COL9A3: variants seen among roughly 807,000 people sequenced by gnomAD.
COL9A3 encodes collagen type IX alpha 3 chain.
COL9A3 carries 82 observed loss-of-function variants against 110.2 expected under a neutral mutation model. The observed-to-expected ratio is 0.74, with a 90% CI of 0.62 to 0.89. The LOEUF is 0.89. Among genes scored for constraint, COL9A3 ranks in the 40% least tolerant of loss-of-function variants. The pLI, the probability that COL9A3 is intolerant of heterozygous loss-of-function variation, is 0.00. For synonymous variants in COL9A3, 494 were observed against 403.8 expected, an observed-to-expected ratio of 1.22 and a Z score of -2.68; for missense variants, 1,066 against 981.3, an observed-to-expected ratio of 1.09 and a Z score of -1.15.
intron 20 of COL9A3, 32 bp downstream of exon 20, chr20:62,829,531 G>C (rs2063579162): frequency 2.5e-6 from 4 of 1,611,938 alleles, no homozygotes; most frequent in African/African-American, 1.3e-5. Context: ...CTCTCTGGGA[G>C]GGGAGGCGAG....
rs567927530 is a variant in COL9A3, at chr20:62,837,126, A to C, written c.1647A>C (p.Ala549=). 6.2e-7 allele frequency: 1 copy of C among 1,613,488 alleles called. No homozygotes were observed. Among genetic ancestry groups the C allele is most frequent in the East Asian group, 2.2e-5 (1 of 44,870 alleles). The change falls in exon 30 of 32, where the codon GCA becomes GCC. Residue 549 remains alanine, a synonymous_variant. Coordinates refer to ENST00000649368, the MANE Select transcript of COL9A3 (RefSeq NM_001853.4). ...QLAAHLRKPL[A]PGSIGRPGPA... ...CCGCGCACCTAAGGAAGCCTTTGGC[A>C]CCCGGGTCCATTGGTCGGCCCGGTC... is the stretch of plus-strand genomic sequence containing the variant.
Position 62,817,090 on chromosome 20 carries a change from C to G in COL9A3, c.26C>G (p.Pro9Arg), listed in dbSNP as rs779116701. 5.0e-6 allele frequency: 7 copies of G among 1,394,778 alleles called. No homozygotes were observed. Among genetic ancestry groups the G allele is most frequent in the African/African-American group, 1.5e-5 (1 of 66,504 alleles). The allele number at this position is 1,394,778 out of a possible 1,614,324, so 86.4% of individuals were successfully genotyped here. A position where few individuals can be genotyped will look rare whatever the true frequency, so the allele number is the denominator to read the frequency against. Residue 9 changes from proline to arginine, a missense_variant, in exon 1 of 32, where the codon CCG (proline) becomes CGG (arginine). By Grantham distance (103) the Pro-to-Arg change is moderately radical. Coordinates refer to ENST00000649368, the MANE Select transcript of COL9A3 (RefSeq NM_001853.4). ...ATGGCCGGGCCGCGCGCGTGCGCCCCGCTCCTGCTCCTGCTCCTGCTCGGG... is the reference window on the plus strand; with the variant it reads ...ATGGCCGGGCCGCGCGCGTGCGCCCGGCTCCTGCTCCTGCTCCTGCTCGGG... MAGPRACAPLLLLLLLGEL... is the reference protein window; with the variant it reads MAGPRACARLLLLLLLGEL...
At chr20:62,819,127 C>A in intron 3 of COL9A3, 95 bp from the exon 4 acceptor site, 3 of 1,250,042 alleles carry the variant, frequency 2.4e-6, no homozygotes, top group Non-Finnish European at 3.5e-6. Context: ...TATGGTTGGG[C>A]TGGGGGGAAG....
intron 15 of COL9A3, 69 bp from the exon 16 acceptor site, chr20:62,827,172 G>T (rs1600798968): frequency 4.5e-6 from 7 of 1,555,604 alleles, no homozygotes; most frequent in Non-Finnish European, 6.2e-6. Context: ...GCCTGGAGGG[G>T]CCCCCGTCCT....
Position 62,841,022 on chromosome 20 carries a change from A to G in COL9A3, c.*290A>G. The G allele has an allele frequency of 4.8e-6, 2 of 418,014 alleles. No individual in the cohort carries two copies. The highest frequency in any genetic ancestry group is 8.8e-6 in the Non-Finnish European group (2 of 227,206). 25.9% of individuals were successfully genotyped at this position (418,014 alleles called of 1,614,324 possible). A position where few individuals can be genotyped will look rare whatever the true frequency, so the allele number is the denominator to read the frequency against. ...CAACTCCACGAGGTGAAAAATATTC[A>G]GTAACTTGTTTACATAGCATTTGTG... is the stretch of plus-strand genomic sequence containing the variant. On this transcript the variant is annotated 3_prime_UTR_variant, in exon 32 of 32. Transcript: ENST00000649368.
At chr20:62,836,624 C>A in intron 29 of COL9A3, 92 bp downstream of exon 29, 1 of 1,356,894 alleles carries the variant, frequency 7.4e-7, no homozygotes, top group Non-Finnish European at 1.0e-6. Flanking sequence ...CGTGCCACTG[C>A]TTTCCAGCCA....
At chr20:62,836,851 C>T in intron 29 of COL9A3, 1 of 668,916 alleles carries the variant, frequency 1.5e-6, no homozygotes, top group African/African-American at 1.8e-5. Context: ...TCCCTAAACA[C>T]CCCCAAGGGC....
chr20:62,831,717 G>A (rs2063598897), intron 24 of COL9A3: 1 of 219,178 alleles, frequency 4.6e-6, no homozygotes, highest in Admixed American at 5.2e-5. Flanking sequence ...CTGCCCTTTG[G>A]GCCAGTTCTC....
At position 62,819,250 on chromosome 20, in the gene COL9A3, G is replaced by T; in HGVS notation, c.212G>T (p.Gly71Val). 1 of 1,612,774 alleles carries T rather than the reference G, an allele frequency of 6.2e-7. No homozygotes were observed. The highest frequency in any genetic ancestry group is 8.5e-7 in the Non-Finnish European group (1 of 1,179,980). ...PGPKGAPGKP[G>V]KPGEAGLPGL... ...CCAAAGGGGGCCCCAGGAAAGCCGG[G>T]GAAACCAGGAGAGGCTGGGCTGCCG... Residue 71 changes from glycine (G) to valine (V), a missense_variant, in exon 4 of 32, where the codon GGG becomes GTG. Coordinates refer to ENST00000649368, the MANE Select transcript of COL9A3 (RefSeq NM_001853.4).
rs373382239 is a variant in COL9A3 at position 62,836,500 on chromosome 20, G to A, written c.1571G>A (p.Arg524His). 1.6e-5 allele frequency: 26 copies of A among 1,613,036 alleles called. 1 individual carries two copies. The highest frequency in any genetic ancestry group is 6.6e-5 in the South Asian group (6 of 90,920). The change falls in exon 29 of 32, where the codon CGC becomes CAC. Residue 524 changes from arginine (R) to histidine (H), a missense_variant. Coordinates refer to ENST00000649368, the MANE Select transcript of COL9A3 (RefSeq NM_001853.4). ...CAGGGGAAGGAGGCCAGCGAGCAGCGCATCAGGGAGCTGTGTGGGGGGATG... is the reference window on the plus strand; with the variant it reads ...CAGGGGAAGGAGGCCAGCGAGCAGCACATCAGGGAGCTGTGTGGGGGGATG... The part of the protein sequence containing the change: ...GVPGKEASEQ[R>H]IRELCGGMIS...
chr20:62,831,688 G>A (rs947701275), intron 24 of COL9A3: 2 of 192,112 alleles, frequency 1.0e-5, no homozygotes, highest in African/African-American at 2.4e-5. Context: ...TTAAACTCAC[G>A]GGAAAGTCTC....
chr20:62,829,416 T>C (rs1413082247), intron 19 of COL9A3, 39 bp from the exon 20 acceptor site: 7 of 1,612,076 alleles, frequency 4.3e-6, no homozygotes, highest in Non-Finnish European at 2.5e-6. Flanking sequence ...CGGCGTGCAA[T>C]GTAACTGGCA....
At chr20:62,832,104 T>G (rs1568760328) in intron 24 of COL9A3, 50 bp from the exon 25 acceptor site, 1 of 1,586,120 alleles carries the variant, frequency 6.3e-7, no homozygotes, top group East Asian at 2.2e-5. Context: ...CAGGCTCACT[T>G]TAGGGATTCC....
chr20:62,840,912 G>A lies in COL9A3; in HGVS notation c.*180G>A, dbSNP rs1328021182. 35 of 647,302 alleles carry A rather than the reference G, an allele frequency of 5.4e-5. No homozygotes were observed. The highest frequency in any genetic ancestry group is 2.8e-5 in the Non-Finnish European group (10 of 362,874). 40.1% of individuals were successfully genotyped at this position (647,302 alleles called of 1,614,324 possible). A position where few individuals can be genotyped will look rare whatever the true frequency, so the allele number is the denominator to read the frequency against. ...ACCCTCATCGGGCTGTCGCCTGACA[G>A]CATACCTCAAAAGGCCCTAGCTAAT... is the stretch of plus-strand genomic sequence containing the variant. On this transcript the variant is annotated 3_prime_UTR_variant, in exon 32 of 32. Transcript: ENST00000649368.
rs1329562497 is a variant in COL9A3, at chr20:62,829,474, G to A, written c.1028G>A (p.Gly343Glu). The A allele has an allele frequency of 3.1e-6, 5 of 1,612,880 alleles. No homozygotes were observed. The highest frequency in any genetic ancestry group is 4.2e-6 in the Non-Finnish European group (5 of 1,179,924). Residue 343 changes from glycine (G) to glutamate (E), a missense_variant, in exon 20 of 32, where the codon GGG becomes GAG. Transcript: ENST00000649368. ...NGLPGLPGRAGSKGEKGERGR... is the reference protein window; with the variant it reads ...NGLPGLPGRAESKGEKGERGR... ...TGGCAGGGCCTCCCTGGACGAGCGGGGTCCAAAGGCGAGAAGGGAGAACGG... is the reference window on the plus strand; with the variant it reads ...TGGCAGGGCCTCCCTGGACGAGCGGAGTCCAAAGGCGAGAAGGGAGAACGG...
intron 29 of COL9A3, 56 bp from the exon 30 acceptor site, chr20:62,837,027 C>T: frequency 6.3e-7 from 1 of 1,594,474 alleles, no homozygotes; most frequent in Non-Finnish European, 8.6e-7. Flanking sequence ...CTTTACGTAA[C>T]AATACTTCTG....
chr20:62,836,683 G>A (rs1162352412), intron 29 of COL9A3, 151 bp downstream of exon 29: 6 of 835,446 alleles, frequency 7.2e-6, no homozygotes, highest in Admixed American at 2.7e-5. Context: ...GGGGGTCCAC[G>A]TCCGCCTTGG....
intron 22 of COL9A3, 72 bp downstream of exon 22, chr20:62,829,891 C>T: frequency 1.3e-6 from 2 of 1,515,464 alleles, no homozygotes; most frequent in South Asian, 1.2e-5. Context: ...AGTTTCTGAG[C>T]AGGCCGGGGT....
In COL9A3 at chr20:62,826,231, G is replaced by C. The variant is rs1254978788; in HGVS notation, c.712G>C (p.Gly238Arg). 2 of 1,559,252 alleles carry C rather than the reference G, an allele frequency of 1.3e-6. No homozygotes were observed. Among genetic ancestry groups the C allele is most frequent in the South Asian group, 2.4e-5 (2 of 84,800 alleles). ...QGPRGLRGLPGPLGPPGDRGP... is the reference protein window; with the variant it reads ...QGPRGLRGLPRPLGPPGDRGP... ...CCCCCGGGGATTACGAGGACTGCCA[G>C]GGCCACTCGGGCCCCCTGGGGACCG... The change falls in exon 14 of 32, where the codon GGG becomes CGG. Residue 238 changes from glycine (G) to arginine (R), a missense_variant. Coordinates refer to ENST00000649368, the MANE Select transcript of COL9A3 (RefSeq NM_001853.4).
Sources: gnomAD v4.1 joint callset for allele counts on GRCh38, gnomAD v4.1.1 for gene constraint, MANE v1.5 for transcripts, NCBI Gene and HGNC (gene_info 2026-07-23, HGNC 2026-07-21) for gene names.